P2RX1: variants seen among roughly 807,000 people sequenced by gnomAD.
P2RX1 encodes purinergic receptor P2X 1.
A neutral mutation model predicts 50.3 loss-of-function variants in P2RX1; 42 were observed. That is an observed-to-expected ratio of 0.83 (90% CI 0.65 to 1.08). The LOEUF (loss-of-function observed/expected upper bound fraction) is 1.08. Among genes scored for constraint, P2RX1 ranks in the 50% least tolerant of loss-of-function variants. The probability of loss-of-function intolerance (pLI) is 0.00; values close to 1 mark genes in which losing one functional copy is unlikely to be tolerated. For synonymous variants in P2RX1, 199 were observed against 202.6 expected, an observed-to-expected ratio of 0.98 and a Z score of 0.15; for missense variants, 449 against 529.0, an observed-to-expected ratio of 0.85 and a Z score of 1.48.
rs116261604 is a variant in P2RX1 at position 3,903,253 on chromosome 17, A to C, written c.696T>G (p.Leu232=). ...TLHPLCPVFQ[L]GYVVQESGQN... ...GGCCTGACTCTTGCACCACGTAGCC[A>C]AGCTGGAAGACTGGGCACAGGGGGT... The change falls in exon 7 of 12, where the codon CTT becomes CTG. Residue 232 remains leucine, a synonymous_variant. Coordinates refer to ENST00000225538, the MANE Select transcript of P2RX1 (RefSeq NM_002558.4). The surrounding 1 kb of genome is among the most constrained non-coding windows in gnomAD (Gnocchi z 4.6). 6.2e-7 allele frequency: 1 copy of C among 1,614,150 alleles called. No individual in the cohort carries two copies. The highest frequency in any genetic ancestry group is 1.7e-5 in the Admixed American group (1 of 60,028).
At chr17:3,898,384 T>C (rs2056072676) in intron 10 of P2RX1, 100 bp downstream of exon 10, 1 of 963,906 alleles carries the variant, frequency 1.0e-6, no homozygotes, top group South Asian at 1.3e-5. Flanking sequence ...TGATAGACAG[T>C]TAGGGTCAAG....
chr17:3,902,575 C>T (rs927694411), intron 7 of P2RX1, among the ~76,000 whole-genome samples: 2 of 151,580 alleles, frequency 1.3e-5, no homozygotes, highest in Non-Finnish European at 2.9e-5. Context: ...GGATTACAGG[C>T]GTGAACCACT....
At position 3,903,252 on chromosome 17, in the gene P2RX1, CAAGCTGG is replaced by C; in HGVS notation, c.690_696del (p.Phe230LeufsTer101). 6.2e-7 allele frequency: 1 copy of C among 1,614,170 alleles called. No homozygotes were observed. Among genetic ancestry groups the C allele is most frequent in the Non-Finnish European group, 8.5e-7 (1 of 1,180,046 alleles). ...TGGCCTGACTCTTGCACCACGTAGC[CAAGCTGG>C]AAGACTGGGCACAGGGGGTGCAGGG... is the stretch of plus-strand genomic sequence containing the variant. On this transcript the variant is annotated frameshift_variant, in exon 7 of 12. Coordinates refer to ENST00000225538, the MANE Select transcript of P2RX1 (RefSeq NM_002558.4). LOFTEE classifies it high-confidence loss of function. The surrounding 1 kb of genome is among the most constrained non-coding windows in gnomAD (Gnocchi z 4.6).
Position 3,911,294 on chromosome 17 carries a change from T to G in P2RX1, c.137+4795A>C, listed in dbSNP as rs564601585. Among the ~76,000 whole-genome samples the G allele has an allele frequency of 4.3e-4, 66 of 151,868 alleles. 1 individual carries two copies. The highest frequency in any genetic ancestry group is 1.6e-3 in the African/African-American group (65 of 41,482). The stretch of plus-strand genomic sequence containing the variant: ...TGCACCATGGCACCCGGTCTGTTTT[T>G]CTTTCTTTCTTTCTTTCTTTTTTTT... On this transcript the variant is annotated intron_variant, in intron 1 of 11. Coordinates refer to ENST00000225538, the MANE Select transcript of P2RX1 (RefSeq NM_002558.4).
In P2RX1 at chr17:3,916,305, C is replaced by G; in HGVS notation, c.-80G>C. 6.6e-7 allele frequency: 1 copy of G among 1,512,676 alleles called. No individual in the cohort carries two copies. Among genetic ancestry groups the G allele is most frequent in the Non-Finnish European group, 9.0e-7 (1 of 1,105,802 alleles). The allele number at this position is 1,512,676 out of a possible 1,614,324, so 93.7% of individuals were successfully genotyped here. On this transcript the variant is annotated 5_prime_UTR_variant, in exon 1 of 12. Coordinates refer to ENST00000225538, the MANE Select transcript of P2RX1 (RefSeq NM_002558.4). ...GTGAGCCGGGTGCCACCACCCACGT[C>G]GATGGTAGAGCTTCTGGGGGCTTCC...
Position 3,903,327 on chromosome 17 carries a change from C to T in P2RX1, c.622G>A (p.Glu208Lys), listed in dbSNP as rs1254709644. Residue 208 changes from glutamate to lysine, a missense_variant, in exon 7 of 12, where the codon GAG (glutamate) becomes AAG (lysine). Transcript: ENST00000225538. This position sits in a 1 kb window ranked among gnomAD's most constrained non-coding sequence, Gnocchi z 4.6. ...GTCTTCATGTGGGCAGCATTCACCT[C>T]CTCCACCAGGTTGCGCCTGTGGGGG... ...FKVNRRNLVE[E>K]VNAAHMKTCL... 3 of 1,614,050 alleles carry T rather than the reference C, an allele frequency of 1.9e-6. No individual in the cohort carries two copies. Among genetic ancestry groups the T allele is most frequent in the South Asian group, 1.1e-5 (1 of 91,090 alleles).
Position 3,914,057 on chromosome 17 carries a change from T to C in P2RX1, c.137+2032A>G, listed in dbSNP as rs1378211720. 1.3e-5 allele frequency among the ~76,000 whole-genome samples: 2 copies of C among 152,130 alleles called. No homozygotes were observed. Among genetic ancestry groups the C allele is most frequent in the African/African-American group, 2.4e-5 (1 of 41,376 alleles). ...CAGGCACCACAGCCTGAGCAGGAGC[T>C]GGAAGCCTGGGCCTGCAGCCCTGGG... On this transcript the variant is annotated intron_variant, in intron 1 of 11. Coordinates refer to ENST00000225538, the MANE Select transcript of P2RX1 (RefSeq NM_002558.4). This position sits in a 1 kb window ranked among gnomAD's most constrained non-coding sequence, Gnocchi z 4.1.
Position 3,903,829 on chromosome 17 carries a change from T to G in P2RX1, c.524+99A>C. 1 of 1,180,122 alleles carries G rather than the reference T, an allele frequency of 8.5e-7. No individual in the cohort carries two copies. The highest frequency in any genetic ancestry group is 1.8e-5 in the Admixed American group (1 of 55,524). The allele number at this position is 1,180,122 out of a possible 1,614,324, so 73.1% of individuals were successfully genotyped here. On this transcript the variant is annotated intron_variant, in intron 5 of 11. Coordinates refer to ENST00000225538, the MANE Select transcript of P2RX1 (RefSeq NM_002558.4). This position sits in a 1 kb window ranked among gnomAD's most constrained non-coding sequence, Gnocchi z 4.6. The stretch of plus-strand genomic sequence containing the variant: ...CTAGGTTGCGCGGATGGGGTGAGGG[T>G]GGGGTCAGAAAAAGGGGTAAAGATC...
Position 3,916,115 on chromosome 17 carries a change from C to G in P2RX1, c.111G>C (p.Gln37His). ...KKVGVIFRLI[Q>H]LVVLVYVIGW... ...CGATGACGTAGACCAGGACCACCAG[C>G]TGGATCAGTCGGAAGATAACGCCCA... The change falls in exon 1 of 12, where the codon CAG (glutamine) becomes CAC (histidine). Residue 37 changes from glutamine to histidine, a missense_variant. Transcript: ENST00000225538. The G allele has an allele frequency of 6.2e-7, 1 of 1,613,668 alleles. No homozygotes were observed. The highest frequency in any genetic ancestry group is 8.5e-7 in the Non-Finnish European group (1 of 1,180,020).
In P2RX1 at chr17:3,897,660, C is replaced by A; in HGVS notation, c.*154G>T. ...GGAGCTCAGATTTGCACAGGTCTCT[C>A]CTACTATGCACCCTGAGCTTCTGGC... On this transcript the variant is annotated 3_prime_UTR_variant, in exon 12 of 12. Transcript: ENST00000225538. 2.8e-6 allele frequency: 2 copies of A among 707,912 alleles called. No homozygotes were observed. The highest frequency in any genetic ancestry group is 3.1e-5 in the South Asian group (2 of 63,896). 43.9% of individuals were successfully genotyped at this position (707,912 alleles called of 1,614,324 possible).
chr17:3,915,981 G>A (rs750164524), intron 1 of P2RX1, 108 bp downstream of exon 1: 4 of 1,303,566 alleles, frequency 3.1e-6, no homozygotes, highest in African/African-American at 1.5e-5. Context: ...GCCTTCCCCT[G>A]GATGGAGAGG....
At chr17:3,906,719 G>A (rs746892750) in intron 1 of P2RX1, among the ~76,000 whole-genome samples, 4 of 152,170 alleles carry the variant, frequency 2.6e-5, no homozygotes, top group Admixed American at 6.5e-5. Flanking sequence ...GAGCTGTCCC[G>A]TTCCTTTGGA....
At chr17:3,905,587 C>T (rs1249817894) in intron 1 of P2RX1, among the ~76,000 whole-genome samples, 5 of 152,132 alleles carry the variant, frequency 3.3e-5, no homozygotes, top group Non-Finnish European at 5.9e-5. Context: ...TCAGGACGGG[C>T]GTGCCATCCC....
chr17:3,903,907 T>A lies in P2RX1; in HGVS notation c.524+21A>T, dbSNP rs1463025141. ...TGGCCTGGGACCCTGTTCTTAGCTCTCTGGAAGGTCAGAGTGTTACCGCGG... is the reference window on the plus strand; with the variant it reads ...TGGCCTGGGACCCTGTTCTTAGCTCACTGGAAGGTCAGAGTGTTACCGCGG... On this transcript the variant is annotated intron_variant, in intron 5 of 11. Transcript: ENST00000225538. The surrounding 1 kb of genome is among the most constrained non-coding windows in gnomAD (Gnocchi z 4.6). The A allele has an allele frequency of 6.3e-7, 1 of 1,592,584 alleles. No homozygotes were observed. Among genetic ancestry groups the A allele is most frequent in the Middle Eastern group, 1.7e-4 (1 of 6,026 alleles).
In P2RX1 at chr17:3,904,440, G is replaced by A. The variant is rs1597517244; in HGVS notation, c.358-41C>T. Reference sequence around the variant, plus strand: ...GCTGCTGGTCCCAGGCCCCTTGGGTGGGGTCCTGAGAAGAGCCCCTCTCCC... The same window carrying A: ...GCTGCTGGTCCCAGGCCCCTTGGGTAGGGTCCTGAGAAGAGCCCCTCTCCC... On this transcript the variant is annotated intron_variant, in intron 3 of 11. Coordinates refer to ENST00000225538, the MANE Select transcript of P2RX1 (RefSeq NM_002558.4). 3.2e-6 allele frequency: 5 copies of A among 1,575,902 alleles called. No homozygotes were observed. In the South Asian group the frequency reaches 3.4e-5, roughly 11 times the overall value.
chr17:3,906,190 G>A (rs995119357), intron 1 of P2RX1, among the ~76,000 whole-genome samples: 9 of 152,036 alleles, frequency 5.9e-5, no homozygotes, highest in African/African-American at 9.7e-5. Context: ...GGAGTACAGC[G>A]GCGCCATCTC....
At position 3,903,758 on chromosome 17, in the gene P2RX1, G is replaced by A. The variant is rs915959856; in HGVS notation, c.525-127C>T. The A allele has an allele frequency of 4.4e-6, 5 of 1,142,592 alleles. No homozygotes were observed. The highest frequency in any genetic ancestry group is 2.5e-5 in the South Asian group (2 of 80,088). The allele number at this position is 1,142,592 out of a possible 1,614,324, so 70.8% of individuals were successfully genotyped here. A position where few individuals can be genotyped will look rare whatever the true frequency, so the allele number is the denominator to read the frequency against. On this transcript the variant is annotated intron_variant, in intron 5 of 11. Coordinates refer to ENST00000225538, the MANE Select transcript of P2RX1 (RefSeq NM_002558.4). The surrounding 1 kb of genome is among the most constrained non-coding windows in gnomAD (Gnocchi z 4.6). ...CGCCTGCAGCCCTGGGCTGGTGGAGGGGTGGGTGTGCTCTAGCGTGGCCAG... is the reference window on the plus strand; with the variant it reads ...CGCCTGCAGCCCTGGGCTGGTGGAGAGGTGGGTGTGCTCTAGCGTGGCCAG...
intron 1 of P2RX1, among the ~76,000 whole-genome samples, chr17:3,909,926 C>T (rs2056333631): frequency 6.6e-6 from 1 of 151,744 alleles, no homozygotes; most frequent in African/African-American, 2.4e-5. Flanking sequence ...CACGCTAAGT[C>T]CAGATGCTCC....
At chr17:3,898,867 G>T in intron 9 of P2RX1, 67 bp downstream of exon 9, 2 of 1,259,438 alleles carry the variant, frequency 1.6e-6, no homozygotes, top group African/African-American at 1.5e-5. Flanking sequence ...AACTGTAGAT[G>T]CCCAAAGGTA....
Sources: allele counts gnomAD v4.1 joint callset (sites outside exome capture counted in the v4.1 genomes callset), GRCh38; gene constraint gnomAD v4.1.1; non-coding constraint Gnocchi (gnomAD v3.1); transcripts MANE v1.5; gene names NCBI Gene and HGNC (gene_info 2026-07-23, HGNC 2026-07-21).